AKAP4: variants seen among roughly 807,000 people sequenced by gnomAD.
AKAP4 encodes the protein A-kinase anchoring protein 4.
Under a neutral mutation model 42.6 loss-of-function variants are expected in AKAP4, and 4 were observed. That is an observed-to-expected ratio of 0.09 (90% confidence interval 0.05 to 0.22). The LOEUF (loss-of-function observed/expected upper bound fraction) is 0.22. Among genes scored for constraint, AKAP4 ranks in the 10% least tolerant of loss-of-function variants. The pLI, the probability that AKAP4 is intolerant of heterozygous loss-of-function variation, is 1.00. For synonymous variants in AKAP4, 223 were observed against 233.0 expected (o/e 0.96, Z 0.39); for missense variants, 551 against 630.7 (o/e 0.87, Z 1.35).
intron 2 of AKAP4, 44 bp downstream of exon 2, chrX:50,198,613 G>C: frequency 9.6e-7 from 1 of 1,045,087 alleles, no homozygotes; most frequent in Non-Finnish European, 1.3e-6. Flanking sequence ...ATACCCATAT[G>C]CCAATTTTTC....
In AKAP4 at chrX:50,193,148, G is replaced by A. The variant is rs1557203909; in HGVS notation, c.1565C>T (p.Ala522Val). 8.3e-6 allele frequency: 10 copies of A among 1,211,869 alleles called. No individual in the cohort carries two copies. The highest frequency in any genetic ancestry group is 1.1e-5 in the Non-Finnish European group (10 of 895,513). ...TCCTTTCTCATCTTTATTGCTGCAT[G>A]CTTTGGTAGCCACCTTGCATGAGTT... ...QGNSCKVATK[A>V]CSNKDEKGEK... The change falls in exon 5 of 6, where the codon GCA (alanine) becomes GTA (valine). Residue 522 changes from alanine (A) to valine (V), a missense_variant. By Grantham distance (64) the Ala-to-Val change is moderately conservative (BLOSUM62 0). Transcript: ENST00000358526.
At chrX:50,197,450 T>C in intron 3 of AKAP4, 94 bp downstream of exon 3, 2 of 777,090 alleles carry the variant, frequency 2.6e-6, no homozygotes, top group South Asian at 2.9e-5. Context: ...TCCTTTCCCC[T>C]CTCTCCCCCC....
intron 5 of AKAP4, among the ~76,000 whole-genome samples, chrX:50,191,473 G>A (rs184136757): frequency 1.3e-3 from 146 of 111,141 alleles, no homozygotes; most frequent in African/African-American, 4.1e-3. Context: ...CAAGGTTTGG[G>A]GTTGCCATTC....
chrX:50,194,462 TAA>T (rs782457515), intron 4 of AKAP4, 26 bp from the exon 5 acceptor site: 2 of 1,118,780 alleles, frequency 1.8e-6, no homozygotes, highest in African/African-American at 3.7e-5. Context: ...GACCTATCCA[TAA>T]GAGTTTGGGT....
In AKAP4 at chrX:50,190,969, A is replaced by G. The variant is rs782052713; in HGVS notation, c.2556T>C (p.Ala852=). 6.6e-6 allele frequency: 8 copies of G among 1,210,384 alleles called. No homozygotes were observed. The highest frequency in any genetic ancestry group is 8.9e-6 in the Non-Finnish European group (8 of 895,121). ...GGAGTCAAGGATCAGCTCACAGGTTAGCGAGCAGCCAGTCCAGCAACTGTT... is the reference window on the plus strand; with the variant it reads ...GGAGTCAAGGATCAGCTCACAGGTTGGCGAGCAGCCAGTCCAGCAACTGTT... ...ARKQLLDWLL[A]NL Residue 852 remains alanine, a synonymous_variant, in exon 6 of 6, where the codon GCT becomes GCC. Transcript: ENST00000358526.
Position 50,192,352 on chromosome X carries a change from G to A in AKAP4, c.2361C>T (p.Asn787=), listed in dbSNP as rs782241519. ...VLQWIAASQF[N]VPMLYFMGDK... Reference sequence around the variant, plus strand: ...CTCCCATGAAGTAGAGCATGGGCACGTTAAACTGGGAGGCTGCAATCCACT... The same window carrying A: ...CTCCCATGAAGTAGAGCATGGGCACATTAAACTGGGAGGCTGCAATCCACT... Residue 787 remains asparagine (N), a synonymous_variant, in exon 5 of 6, where the codon AAC becomes AAT. Transcript: ENST00000358526. 4.1e-6 allele frequency: 5 copies of A among 1,206,971 alleles called. No individual in the cohort carries two copies. The highest frequency in any genetic ancestry group is 3.0e-5 in the East Asian group (1 of 33,773).
intron 1 of AKAP4, among the ~76,000 whole-genome samples, chrX:50,199,940 C>G (rs1557204708): frequency 3.2e-5 from 3 of 92,690 alleles, no homozygotes; most frequent in Non-Finnish European, 6.3e-5. Context: ...AATAGCTATT[C>G]TCTAATGGCT....
rs781893279 is a variant in AKAP4 at position 50,193,556 on chromosome X, C to G, written c.1157G>C (p.Cys386Ser). The G allele has an allele frequency of 5.0e-6, 6 of 1,210,107 alleles. No individual in the cohort carries two copies. Among genetic ancestry groups the G allele is most frequent in the Non-Finnish European group, 6.7e-6 (6 of 895,307 alleles). Residue 386 changes from cysteine (C) to serine (S), a missense_variant, in exon 5 of 6, where the codon TGC becomes TCC. Physicochemically the swap from Cys to Ser is moderately radical, Grantham distance 112 (BLOSUM62 -1). Transcript: ENST00000358526. ...AGTAATATTATGCAGGTTCTTCATGCAAGAATCAATCAAATCGGACACAAT... is the reference window on the plus strand; with the variant it reads ...AGTAATATTATGCAGGTTCTTCATGGAAGAATCAATCAAATCGGACACAAT... ...KEIVSDLIDS[C>S]MKNLHNITGV...
chrX:50,197,273 T>TA (rs1335959261), intron 3 of AKAP4, among the ~76,000 whole-genome samples: 7 of 109,469 alleles, frequency 6.4e-5, no homozygotes, highest in Non-Finnish European at 1.3e-4. Flanking sequence ...AATAAAAAAA[T>TA]AAAAAACAAC....
intron 4 of AKAP4, among the ~76,000 whole-genome samples, chrX:50,195,006 G>A (rs1322675940): frequency 8.9e-6 from 1 of 112,031 alleles, no homozygotes; most frequent in East Asian, 2.8e-4. Context: ...AAATGAGCAA[G>A]TGTCAATTTC....
chrX:50,196,586 G>A lies in AKAP4; in HGVS notation c.276+305C>T, dbSNP rs1465395628. Among the ~76,000 whole-genome samples, 6 of 111,345 alleles carry A rather than the reference G, an allele frequency of 5.4e-5. No homozygotes were observed. In the Admixed American group the frequency reaches 5.7e-4, roughly 11 times the overall value. On this transcript the variant is annotated intron_variant, in intron 4 of 5. Coordinates refer to ENST00000358526, the MANE Select transcript of AKAP4 (RefSeq NM_003886.3). ...CCTGCTGGATGCTGGGCAATGTGGG[G>A]CACACAAGTCCATTACCAGCCAGCG...
At chrX:50,195,394 T>G in intron 4 of AKAP4, among the ~76,000 whole-genome samples, 1 of 112,250 alleles carries the variant, frequency 8.9e-6, no homozygotes, top group Admixed American at 9.4e-5. Flanking sequence ...TTAGTAAATA[T>G]GTGTCGCTTA....
chrX:50,200,727 G>T, intron 1 of AKAP4, 136 bp downstream of exon 1: 1 of 575,631 alleles, frequency 1.7e-6, no homozygotes, highest in Non-Finnish European at 2.8e-6. Flanking sequence ...GAGAAATGTT[G>T]ATCAAAATCT....
At chrX:50,198,958 T>C (rs1327735809) in intron 1 of AKAP4, among the ~76,000 whole-genome samples, 1 of 110,967 alleles carries the variant, frequency 9.0e-6, no homozygotes, top group Non-Finnish European at 1.9e-5. Context: ...TTTAGCAAAA[T>C]CCATAGTCTC....
chrX:50,193,497 C>T lies in AKAP4; in HGVS notation c.1216G>A (p.Ala406Thr), dbSNP rs1158471018. 5.8e-6 allele frequency: 7 copies of T among 1,210,223 alleles called. No individual in the cohort carries two copies. The highest frequency in any genetic ancestry group is 1.7e-5 in the African/African-American group (1 of 57,237). Residue 406 changes from alanine to threonine, a missense_variant, in exon 5 of 6, where the codon GCT becomes ACT. Ala to Thr is a moderately conservative substitution (Grantham distance 58). Coordinates refer to ENST00000358526, the MANE Select transcript of AKAP4 (RefSeq NM_003886.3). ...TGGTTGAACAGATTTCTCTTGACAG[C>T]TGAGACAAAGTCTGAGTCAGTCATC... ...VLMTDSDFVS[A>T]VKRNLFNQWK...
chrX:50,196,499 G>C (rs1219192795), intron 4 of AKAP4, among the ~76,000 whole-genome samples: 1 of 111,694 alleles, frequency 9.0e-6, no homozygotes, highest in Non-Finnish European at 1.9e-5. Context: ...AACAGGGTAA[G>C]GATGAGGCAC....
intron 4 of AKAP4, among the ~76,000 whole-genome samples, chrX:50,195,882 A>C (rs1935184635): frequency 9.0e-6 from 1 of 111,010 alleles, no homozygotes; most frequent in Non-Finnish European, 1.9e-5. Flanking sequence ...ATATACACAT[A>C]TTCCACCCAA....
At chrX:50,192,103 G>C (rs1557203685) in intron 5 of AKAP4, among the ~76,000 whole-genome samples, 4 of 111,225 alleles carry the variant, frequency 3.6e-5, no homozygotes, top group African/African-American at 9.8e-5. Context: ...TCCTCCTCTT[G>C]GTGGAAATGC....
Position 50,192,328 on chromosome X carries a change from T to A in AKAP4, c.2385A>T (p.Gly795=), listed in dbSNP as rs1935123329. 8.4e-7 allele frequency: 1 copy of A among 1,196,045 alleles called. No individual in the cohort carries two copies. The highest frequency in any genetic ancestry group is 1.8e-5 in the African/African-American group (1 of 56,832). The stretch of plus-strand genomic sequence containing the variant: ...CCTTTTCCAGTTGTCCATCCTTATC[T>A]CCCATGAAGTAGAGCATGGGCACGT... ...QFNVPMLYFM[G]DKDGQLEKLP... The change falls in exon 5 of 6, where the codon GGA becomes GGT. Residue 795 remains glycine (G), a synonymous_variant. Transcript: ENST00000358526.
Sources: allele counts gnomAD v4.1 joint callset (sites outside exome capture counted in the v4.1 genomes callset), GRCh38; gene constraint gnomAD v4.1.1; transcripts MANE v1.5; gene names NCBI Gene and HGNC (gene_info 2026-07-23, HGNC 2026-07-21).